TK2: variants seen among roughly 807,000 people sequenced by gnomAD.
The protein encoded by TK2 is thymidine kinase 2, mitochondrial.
Under a neutral mutation model 41.9 loss-of-function variants are expected in TK2, and 35 were observed. The observed-to-expected ratio is 0.84, with a 90% CI of 0.64 to 1.11. TK2 has a LOEUF of 1.11. Ranked by LOEUF, TK2 falls within the 50% of genes least tolerant of loss-of-function variation. TK2 has a pLI of 0.00. For synonymous variants in TK2, 128 were observed against 129.1 expected (o/e 0.99, Z 0.06); for missense variants, 320 against 351.1 (o/e 0.91, Z 0.71).
Position 66,511,562 on chromosome 16 carries a change from G to A in TK2, c.*406C>T, listed in dbSNP as rs763123527. ...CTCTGGGGAGCCCCTCAACCTTTCTGAGCTTCAAATTCCTCACCTGGGATA... is the reference window on the plus strand; with the variant it reads ...CTCTGGGGAGCCCCTCAACCTTTCTAAGCTTCAAATTCCTCACCTGGGATA... On this transcript the variant is annotated 3_prime_UTR_variant, in exon 10 of 10. Transcript: ENST00000544898. The A allele has an allele frequency of 6.0e-6, 2 of 333,782 alleles. No homozygotes were observed. The highest frequency in any genetic ancestry group is 4.3e-5 in the African/African-American group (2 of 46,508). 20.7% of individuals were successfully genotyped at this position (333,782 alleles called of 1,614,324 possible).
chr16:66,543,412 C>A (rs1324694737), intron 2 of TK2, among the ~76,000 whole-genome samples: 1 of 152,218 alleles, frequency 6.6e-6, no homozygotes, highest in East Asian at 1.9e-4. Flanking sequence ...CTCAGCCAGG[C>A]ACTGCTGATG....
intron 6 of TK2, among the ~76,000 whole-genome samples, chr16:66,527,022 C>A (rs1238912806): frequency 6.6e-6 from 1 of 152,200 alleles, no homozygotes; most frequent in Non-Finnish European, 1.5e-5. Flanking sequence ...AACAGAGGCT[C>A]CCTTCTGCTC....
intron 8 of TK2, among the ~76,000 whole-genome samples, chr16:66,516,563 G>A (rs934979250): frequency 6.6e-6 from 1 of 152,206 alleles, no homozygotes; most frequent in African/African-American, 2.4e-5. Context: ...GGAGATGCAA[G>A]GAGGGAAGGG....
chr16:66,530,036 T>C (rs189441101), intron 5 of TK2, among the ~76,000 whole-genome samples: 5 of 152,316 alleles, frequency 3.3e-5, no homozygotes, highest in East Asian at 3.9e-4. Flanking sequence ...AGGTTTGCAA[T>C]TGAGTGCCTG....
At chr16:66,531,683 C>A (rs1965118347) in intron 4 of TK2, among the ~76,000 whole-genome samples, 1 of 152,022 alleles carries the variant, frequency 6.6e-6, no homozygotes, top group Admixed American at 6.6e-5. Context: ...ATAATAGGAG[C>A]CTATGGAAAG....
chr16:66,530,359 G>T (rs960621135), intron 5 of TK2, among the ~76,000 whole-genome samples: 2 of 152,160 alleles, frequency 1.3e-5, no homozygotes, highest in African/African-American at 4.8e-5. Flanking sequence ...TTGAAACATA[G>T]GTGCTGATCA....
intron 6 of TK2, among the ~76,000 whole-genome samples, chr16:66,521,897 T>G (rs1964790999): frequency 6.6e-6 from 1 of 152,202 alleles, no homozygotes; most frequent in Non-Finnish European, 1.5e-5. Context: ...AATCCTGCTG[T>G]TACATCAGTA....
At chr16:66,538,268 C>A (rs1241993928) in intron 3 of TK2, among the ~76,000 whole-genome samples, 1 of 152,170 alleles carries the variant, frequency 6.6e-6, no homozygotes, top group African/African-American at 2.4e-5. Context: ...TTTCTTCTGA[C>A]CAGCATTCCC....
At chr16:66,529,704 C>T (rs543780890) in intron 5 of TK2, among the ~76,000 whole-genome samples, 32 of 152,314 alleles carry the variant, frequency 2.1e-4, no homozygotes, top group South Asian at 8.3e-4. Flanking sequence ...GCCAGGCACA[C>T]TAACACTACT....
rs1452623610 is a variant in TK2, at chr16:66,549,933, G to A, written c.124+5C>T. The A allele has an allele frequency of 3.7e-6, 5 of 1,353,762 alleles. No homozygotes were observed. Among genetic ancestry groups the A allele is most frequent in the South Asian group, 2.0e-5 (1 of 50,428 alleles). The allele number at this position is 1,353,762 out of a possible 1,614,324, so 83.9% of individuals were successfully genotyped here. On this transcript the variant is annotated splice_donor_5th_base_variant and intron_variant, in intron 1 of 9. Transcript: ENST00000544898. ...CCTGGGAGGCGGGACCAAGACGCGCGTTACCGGGAGGCCAGGCCCGGCGCT... is the reference window on the plus strand; with the variant it reads ...CCTGGGAGGCGGGACCAAGACGCGCATTACCGGGAGGCCAGGCCCGGCGCT...
chr16:66,540,730 A>G (rs1445642857), intron 3 of TK2, among the ~76,000 whole-genome samples: 1 of 152,222 alleles, frequency 6.6e-6, no homozygotes, highest in African/African-American at 2.4e-5. Context: ...TATGCATAGT[A>G]ATACCCACTG....
Position 66,511,934 on chromosome 16 carries a change from A to G in TK2, c.*34T>C, listed in dbSNP as rs376829102. On this transcript the variant is annotated 3_prime_UTR_variant, in exon 10 of 10. Coordinates refer to ENST00000544898, the MANE Select transcript of TK2 (RefSeq NM_004614.5). ...AATAGCTAACTTGGCAGCAGCAGGC[A>G]TTTTTCAGACATGAGCCATAGACCT... The G allele has an allele frequency of 1.6e-5, 25 of 1,603,302 alleles. No homozygotes were observed. The highest frequency in any genetic ancestry group is 2.0e-5 in the Non-Finnish European group (23 of 1,170,306).
At chr16:66,513,704 C>G in intron 9 of TK2, 27 bp downstream of exon 9, 8 of 1,606,990 alleles carry the variant, frequency 5.0e-6, no homozygotes, top group Non-Finnish European at 6.8e-6. Context: ...AGAACAGTCT[C>G]GTACCCTGTA....
chr16:66,528,045 C>A (rs919724166), intron 6 of TK2, among the ~76,000 whole-genome samples: 3 of 152,040 alleles, frequency 2.0e-5, no homozygotes, highest in East Asian at 1.9e-4. Flanking sequence ...AAACAAAAAC[C>A]AAAACCAAAA....
At chr16:66,513,042 G>A (rs535930613) in intron 9 of TK2, among the ~76,000 whole-genome samples, 4 of 152,222 alleles carry the variant, frequency 2.6e-5, no homozygotes, top group South Asian at 2.1e-4. Context: ...ATCAAGACTC[G>A]GAGGGACCCC....
At chr16:66,529,975 A>T (rs904732309) in intron 5 of TK2, among the ~76,000 whole-genome samples, 1 of 152,198 alleles carries the variant, frequency 6.6e-6, no homozygotes, top group Admixed American at 6.5e-5. Context: ...TTCCTTAAAT[A>T]GAGGAGTGCA....
rs1964665424 is a variant in TK2 at position 66,517,932 on chromosome 16, C to T, written c.450-55G>A. On this transcript the variant is annotated intron_variant, in intron 6 of 9. Coordinates refer to ENST00000544898, the MANE Select transcript of TK2 (RefSeq NM_004614.5). This position sits in a 1 kb window ranked among gnomAD's most constrained non-coding sequence, Gnocchi z 4.3. ...CCTAAGAGAAAACTTCTGGGCTATG[C>T]AATTCCCCCAAAAGGATCTTGAGAC... 7.0e-7 allele frequency: 1 copy of T among 1,431,510 alleles called. No individual in the cohort carries two copies. The allele number at this position is 1,431,510 out of a possible 1,614,324, so 88.7% of individuals were successfully genotyped here.
At chr16:66,545,079 G>A (rs565973697) in intron 2 of TK2, among the ~76,000 whole-genome samples, 1 of 146,600 alleles carries the variant, frequency 6.8e-6, no homozygotes, top group African/African-American at 2.6e-5. Context: ...GGGTGACAGA[G>A]TGAGACCCTG....
chr16:66,534,104 A>G (rs745569320), intron 4 of TK2, among the ~76,000 whole-genome samples: 48 of 151,758 alleles, frequency 3.2e-4, no homozygotes, highest in Non-Finnish European at 5.9e-4. Context: ...GTTATCTTAC[A>G]CTGGTGGCTT....
Sources: gnomAD v4.1 joint callset for allele counts (sites outside exome capture counted in the v4.1 genomes callset) on GRCh38, gnomAD v4.1.1 for gene constraint, Gnocchi (gnomAD v3.1) non-coding constraint, MANE v1.5 for transcripts, NCBI Gene and HGNC (gene_info 2026-07-23, HGNC 2026-07-21) for gene names.